GALNT13: variants seen among roughly 807,000 people sequenced by gnomAD.
GALNT13 encodes the protein UDP-GalNAc:polypeptide N-acetylgalactosaminyltransferase 13.
In GALNT13, 28 loss-of-function variants were observed where a neutral mutation model predicts 64.2. That is an observed-to-expected ratio of 0.44 (90% CI 0.32 to 0.60). The LOEUF (loss-of-function observed/expected upper bound fraction) is 0.60. GALNT13 is among the 20% of genes least tolerant of loss of function. The pLI is 0.05. For missense variants in GALNT13, 577 were observed against 669.8 expected, an observed-to-expected ratio of 0.86 and a Z score of 1.53; for synonymous variants, 214 against 224.6, an observed-to-expected ratio of 0.95 and a Z score of 0.42.
At chr2:154,273,057 G>C (rs1691441748) in intron 8 of GALNT13, among the ~76,000 whole-genome samples, 1 of 152,096 alleles carries the variant, frequency 6.6e-6, no homozygotes, top group Admixed American at 6.6e-5. Flanking sequence ...CTCAGTCCCT[G>C]GTCTCGGTTT....
chr2:154,254,583 G>GA (rs965484901), intron 7 of GALNT13, among the ~76,000 whole-genome samples: 67 of 148,980 alleles, frequency 4.5e-4, no homozygotes, highest in African/African-American at 1.2e-3. Context: ...AAATACTTCA[G>GA]AAAAAAAAAG....
At chr2:153,254,895 G>A in the GALNT13 span, among the ~76,000 whole-genome samples, 70 of 152,058 alleles carry the variant, frequency 4.6e-4, no homozygotes, top group Non-Finnish European at 7.9e-4. Flanking sequence ...CCAAGTATGC[G>A]GTCAATTTTG....
chr2:153,282,116 A>T, the GALNT13 span, among the ~76,000 whole-genome samples: 29 of 152,010 alleles, frequency 1.9e-4, no homozygotes, highest in African/African-American at 6.8e-4. Context: ...AAAAATCTTA[A>T]AAAATTTTTT....
the GALNT13 span, among the ~76,000 whole-genome samples, chr2:153,489,942 C>A: frequency 6.6e-6 from 1 of 151,854 alleles, no homozygotes; most frequent in Non-Finnish European, 1.5e-5. Context: ...TATAATCACA[C>A]CCCTGCACTC....
At chr2:153,654,858 G>A in the GALNT13 span, among the ~76,000 whole-genome samples, 1 of 151,910 alleles carries the variant, frequency 6.6e-6, no homozygotes, top group Non-Finnish European at 1.5e-5. Context: ...AATTCTCCAT[G>A]GATACCAAAG....
At chr2:153,788,917 T>C in the GALNT13 span, among the ~76,000 whole-genome samples, 1 of 152,176 alleles carries the variant, frequency 6.6e-6, no homozygotes, top group African/African-American at 2.4e-5. Flanking sequence ...AAAATGTATA[T>C]GCACCCAACA....
At chr2:154,229,562 A>G in intron 4 of GALNT13, among the ~76,000 whole-genome samples, 1 of 152,222 alleles carries the variant, frequency 6.6e-6, no homozygotes, top group African/African-American at 2.4e-5. Context: ...ATAAGAAGGA[A>G]AGGCGAATAA....
intron 3 of GALNT13, among the ~76,000 whole-genome samples, chr2:153,990,593 A>G (rs1695096179): frequency 1.3e-5 from 2 of 152,282 alleles, no homozygotes; most frequent in East Asian, 3.9e-4. Flanking sequence ...TCGTATTTTG[A>G]GAATGTGTTT....
the GALNT13 span, among the ~76,000 whole-genome samples, chr2:153,182,136 C>T: frequency 1.4e-4 from 21 of 151,970 alleles, no homozygotes; most frequent in Non-Finnish European, 2.1e-4. Context: ...CTCTGCCTCC[C>T]GAGTTCACAC....
chr2:154,230,482 T>G (rs1012734430), intron 4 of GALNT13, among the ~76,000 whole-genome samples: 4 of 152,036 alleles, frequency 2.6e-5, no homozygotes. Flanking sequence ...TTATTATCAT[T>G]TATTTCCAAA....
At chr2:154,269,579 A>G (rs1034994170) in intron 8 of GALNT13, among the ~76,000 whole-genome samples, 7 of 151,840 alleles carry the variant, frequency 4.6e-5, no homozygotes, top group African/African-American at 9.7e-5. Context: ...CTATGAAATC[A>G]TAAACTGACA....
At chr2:153,672,081 A>C in the GALNT13 span, among the ~76,000 whole-genome samples, 1 of 152,240 alleles carries the variant, frequency 6.6e-6, no homozygotes, top group African/African-American at 2.4e-5. Context: ...AAAAAGACTT[A>C]GAATCCCACA....
At chr2:154,294,346 G>T (rs1427192353) in intron 8 of GALNT13, among the ~76,000 whole-genome samples, 2 of 152,190 alleles carry the variant, frequency 1.3e-5, no homozygotes, top group African/African-American at 4.8e-5. Flanking sequence ...TACATGTCAG[G>T]AGAATAACAT....
the GALNT13 span, among the ~76,000 whole-genome samples, chr2:153,455,152 T>G: frequency 6.6e-6 from 1 of 152,240 alleles, no homozygotes; most frequent in African/African-American, 2.4e-5. Context: ...GCTTGCATTT[T>G]TTTCTCATTC....
chr2:154,326,937 A>G (rs1054591686), intron 9 of GALNT13, among the ~76,000 whole-genome samples: 3 of 152,084 alleles, frequency 2.0e-5, no homozygotes, highest in African/African-American at 4.8e-5. Context: ...AGGAGTTCCT[A>G]TGGATGCAAA....
At chr2:153,590,075 G>C in the GALNT13 span, among the ~76,000 whole-genome samples, 1 of 152,028 alleles carries the variant, frequency 6.6e-6, no homozygotes. Flanking sequence ...TTTTTTAAAA[G>C]ATAAATGAAA....
intron 3 of GALNT13, among the ~76,000 whole-genome samples, chr2:154,064,247 C>T (rs1409013770): frequency 6.6e-6 from 1 of 152,170 alleles, no homozygotes; most frequent in Admixed American, 6.6e-5. Context: ...TGGCAAGCCT[C>T]ACTACTGTGG....
the GALNT13 span, among the ~76,000 whole-genome samples, chr2:153,664,278 C>T: frequency 7.9e-3 from 1,196 of 152,236 alleles, 7 homozygotes; most frequent in Non-Finnish European, 0.012. Context: ...TGCATTCCTT[C>T]CCCAGGGTTA....
intron 3 of GALNT13, among the ~76,000 whole-genome samples, chr2:154,015,827 T>C (rs1165542359): frequency 6.6e-6 from 1 of 152,194 alleles, no homozygotes; most frequent in African/African-American, 2.4e-5. Context: ...AAAAAGAAAA[T>C]CTACGTTCTT....
Sources: allele counts gnomAD v4.1 joint callset (sites outside exome capture counted in the v4.1 genomes callset), GRCh38; gene constraint gnomAD v4.1.1; transcripts MANE v1.5; gene names NCBI Gene and HGNC (gene_info 2026-07-23, HGNC 2026-07-21).